Variants in DACT2 observed in about 807,000 individuals in gnomAD.
DACT2 encodes the protein dishevelled binding antagonist of beta catenin 2.
DACT2 carries 20 observed loss-of-function variants against 22.2 expected under a neutral mutation model. The ratio of observed to expected loss-of-function variants is 0.90; its 90% CI spans 0.63 to 1.31. DACT2 has a LOEUF of 1.31. Among genes scored for constraint, DACT2 ranks in the 50% most tolerant of loss-of-function variants. DACT2 has a pLI of 0.00. For synonymous variants in DACT2, 463 were observed against 479.8 expected (o/e 0.96, Z 0.46); for missense variants, 1,048 against 1,061.4 (o/e 0.99, Z 0.18).
intron 3 of DACT2, chr6:168,300,192 G>A (rs1779079625): frequency 6.6e-6 from 1 of 152,520 alleles, no homozygotes; most frequent in South Asian, 2.1e-4. Flanking sequence ...CTCACACAAA[G>A]GGGTCCCCCT....
In DACT2 at chr6:168,308,029, T is replaced by C; in HGVS notation, c.1728A>G (p.Ala576=). ...LYPMPVLVPL[A]VAPQESHRTS... is the part of the protein sequence containing the mutation. The stretch of plus-strand genomic sequence containing the variant: ...TCCGGTGGCTCTCCTGCGGGGCCAC[T>C]GCCAAGGGGACGAGGACAGGCATGG... Residue 576 remains alanine (A), a synonymous_variant, in exon 4 of 4, where the codon GCA becomes GCG. Transcript: ENST00000366795. The C allele has an allele frequency of 6.5e-7, 1 of 1,549,862 alleles. No individual in the cohort carries two copies. The highest frequency in any genetic ancestry group is 8.7e-7 in the Non-Finnish European group (1 of 1,146,060).
At chr6:168,318,942 C>A (rs1442156153) in intron 1 of DACT2, among the ~76,000 whole-genome samples, 1 of 149,824 alleles carries the variant, frequency 6.7e-6, no homozygotes, top group Non-Finnish European at 1.5e-5. Context: ...GACACTGTTG[C>A]CCCTAACCCA....
chr6:168,301,770 C>T (rs1779109058), intron 3 of DACT2, among the ~76,000 whole-genome samples: 2 of 152,218 alleles, frequency 1.3e-5, no homozygotes, highest in East Asian at 1.9e-4. Context: ...CTGCGGCAAG[C>T]CCTGAATAAA....
chr6:168,307,620 A>G lies in DACT2; in HGVS notation c.2137T>C (p.Cys713Arg). The change falls in exon 4 of 4, where the codon TGT (cysteine) becomes CGT (arginine). Residue 713 changes from cysteine (C) to arginine (R), a missense_variant. Cys to Arg is a radical substitution (Grantham distance 180, BLOSUM62 -3). Transcript: ENST00000366795. This position sits in a 1 kb window ranked among gnomAD's most constrained non-coding sequence, Gnocchi z 5.3. ...DEEGGAQSRD[C>R]DLALGYVAAG... is the part of the protein sequence containing the mutation. Reference sequence around the variant, plus strand: ...GCCACATAGCCCAGTGCCAGGTCACAGTCCCTGCTCTGGGCGCCGCCCTCC... The same window carrying G: ...GCCACATAGCCCAGTGCCAGGTCACGGTCCCTGCTCTGGGCGCCGCCCTCC... The G allele has an allele frequency of 1.3e-6, 2 of 1,548,282 alleles. No individual in the cohort carries two copies. Among genetic ancestry groups the G allele is most frequent in the Non-Finnish European group, 8.7e-7 (1 of 1,144,960 alleles).
intron 1 of DACT2, among the ~76,000 whole-genome samples, chr6:168,315,569 A>T (rs574376770): frequency 1.3e-5 from 2 of 152,302 alleles, no homozygotes; most frequent in South Asian, 4.1e-4. Context: ...CAAGTCACTC[A>T]TCTATTTATT....
chr6:168,293,478 T>A (rs76272202), exon 6 of DACT2: 7 of 161,906 alleles, frequency 4.3e-5, no homozygotes, highest in Non-Finnish European at 6.7e-5. Context: ...GAAGGGGCTT[T>A]AAAAAAAAAT....
chr6:168,297,865 G>C (rs151148035), intron 3 of DACT2, among the ~76,000 whole-genome samples: 1 of 152,260 alleles, frequency 6.6e-6, no homozygotes. Flanking sequence ...AGGGCAGCAC[G>C]GGGCAGACAC....
chr6:168,315,356 T>C (rs1397136325), intron 1 of DACT2, among the ~76,000 whole-genome samples: 2 of 152,104 alleles, frequency 1.3e-5, no homozygotes, highest in Non-Finnish European at 2.9e-5. Context: ...ACCTAACCCT[T>C]ATGAATATGG....
chr6:168,309,277 C>T lies in DACT2; in HGVS notation c.659-179G>A, dbSNP rs530399667. Among the ~76,000 whole-genome samples, 54 of 150,952 alleles carry T rather than the reference C, an allele frequency of 3.6e-4. 1 individual carries two copies. The South Asian group carries it at 7.6e-3, about 21-fold the overall frequency. ...CTGAGGTCCGCGTGTAGACACAGGGCGCGGGGCAGACGGGAATGCGTTTAA... is the reference window on the plus strand; with the variant it reads ...CTGAGGTCCGCGTGTAGACACAGGGTGCGGGGCAGACGGGAATGCGTTTAA... On this transcript the variant is annotated intron_variant, in intron 3 of 3. Transcript: ENST00000366795.
At chr6:168,300,015 T>C (rs1400259775) in intron 3 of DACT2, 2 of 152,408 alleles carry the variant, frequency 1.3e-5, no homozygotes, top group East Asian at 3.9e-4. Context: ...GGGGACACCA[T>C]GCACTTTGGC....
chr6:168,294,457 T>A (rs1447239058), intron 4 of DACT2, among the ~76,000 whole-genome samples: 11 of 150,518 alleles, frequency 7.3e-5, no homozygotes, highest in African/African-American at 2.7e-4. Flanking sequence ...CCCCTGATGC[T>A]ATCCCTCCCC....
At chr6:168,318,421 G>C (rs577087853) in intron 1 of DACT2, among the ~76,000 whole-genome samples, 1 of 152,232 alleles carries the variant, frequency 6.6e-6, no homozygotes, top group South Asian at 2.1e-4. Flanking sequence ...CTGGCTGAGC[G>C]AGCGAGGCAG....
At chr6:168,312,397 ATGTTGCCCAG>A (rs1779443140) in intron 1 of DACT2, among the ~76,000 whole-genome samples, 1 of 151,916 alleles carries the variant, frequency 6.6e-6, no homozygotes, top group Admixed American at 6.6e-5. Context: ...GGGTCTTGCC[ATGTTGCCCAG>A]GCTGGTCTCC....
Position 168,307,304 on chromosome 6 carries a change from C to G in DACT2, c.*128G>C. 2.7e-6 allele frequency: 4 copies of G among 1,477,078 alleles called. No homozygotes were observed. The highest frequency in any genetic ancestry group is 3.6e-6 in the Non-Finnish European group (4 of 1,114,988). The allele number at this position is 1,477,078 out of a possible 1,614,324, so 91.5% of individuals were successfully genotyped here. A position where few individuals can be genotyped will look rare whatever the true frequency, so the allele number is the denominator to read the frequency against. ...GGGCAGAACCCATCTGCGGGGACTC[C>G]TGTTAAACGGTGGCCTCGGAAGATA... is the stretch of plus-strand genomic sequence containing the variant. On this transcript the variant is annotated 3_prime_UTR_variant, in exon 4 of 4. Coordinates refer to ENST00000366795, the MANE Select transcript of DACT2 (RefSeq NM_214462.5). The surrounding 1 kb of genome is among the most constrained non-coding windows in gnomAD (Gnocchi z 5.3).
At chr6:168,295,080 C>T (rs1583287978) in intron 3 of DACT2, among the ~76,000 whole-genome samples, 1 of 152,158 alleles carries the variant, frequency 6.6e-6, no homozygotes, top group Non-Finnish European at 1.5e-5. Context: ...CTGCCCCTTC[C>T]TCCTCCTCTG....
intron 3 of DACT2, among the ~76,000 whole-genome samples, chr6:168,301,763 C>T (rs866038305): frequency 1.3e-5 from 2 of 152,236 alleles, no homozygotes; most frequent in African/African-American, 4.8e-5. Context: ...CCACTCACTG[C>T]GGCAAGCCCT....
At chr6:168,314,547 T>TA (rs1165952348) in intron 1 of DACT2, among the ~76,000 whole-genome samples, 2 of 151,922 alleles carry the variant, frequency 1.3e-5, no homozygotes, top group African/African-American at 2.4e-5. Context: ...GGGGTACCGT[T>TA]AAAAAAAATA....
In DACT2 at chr6:168,309,076, C is replaced by T. The variant is rs376333609; in HGVS notation, c.681G>A (p.Pro227=). 17 of 1,533,014 alleles carry T rather than the reference C, an allele frequency of 1.1e-5. No homozygotes were observed. The highest frequency in any genetic ancestry group is 7.4e-5 in the East Asian group (3 of 40,746). 95.0% of individuals were successfully genotyped at this position (1,533,014 alleles called of 1,614,324 possible). A position where few individuals can be genotyped will look rare whatever the true frequency, so the allele number is the denominator to read the frequency against. Residue 227 remains proline (P), a synonymous_variant, in exon 4 of 4, where the codon CCG becomes CCA. Coordinates refer to ENST00000366795, the MANE Select transcript of DACT2 (RefSeq NM_214462.5). ...TGGCTTTCTGGAGCCCCGTGTCCGC[C>T]GGCAGGGCTCTGTCAAGATCACCTG... is the stretch of plus-strand genomic sequence containing the variant. ...VSTGDLDRAL[P]ADTGLQKASA...
intron 3 of DACT2, 84 bp downstream of exon 3, chr6:168,310,084 G>C (rs1562497412): frequency 6.6e-7 from 1 of 1,513,134 alleles, no homozygotes; most frequent in East Asian, 2.5e-5. Flanking sequence ...AGGGTCCCCG[G>C]CTCTGCCCTC....
Sources: allele counts gnomAD v4.1 joint callset (sites outside exome capture counted in the v4.1 genomes callset), GRCh38; gene constraint gnomAD v4.1.1; non-coding constraint Gnocchi (gnomAD v3.1); transcripts MANE v1.5; gene names NCBI Gene and HGNC (gene_info 2026-07-23, HGNC 2026-07-21).